CSMD1: variants seen among roughly 807,000 people sequenced by gnomAD.
The protein encoded by CSMD1 is CUB and sushi domain-containing protein 1.
CSMD1 carries 213 observed loss-of-function variants against 417.5 expected under a neutral mutation model. That is an observed-to-expected ratio of 0.51 (90% CI 0.46 to 0.57). CSMD1 has a LOEUF of 0.57. Ranked by LOEUF, CSMD1 falls within the 20% of genes least tolerant of loss-of-function variation. The probability of loss-of-function intolerance (pLI) is 0.00; values close to 1 mark genes in which losing one functional copy is unlikely to be tolerated. For synonymous variants in CSMD1, 2,862 were observed against 1,736.8 expected (o/e 1.65, Z -16.11); for missense variants, 6,923 against 4,529.7 (o/e 1.53, Z -15.17).
chr8:4,697,852 T>C (rs1041965219), intron 1 of CSMD1, among the ~76,000 whole-genome samples: 2 of 152,234 alleles, frequency 1.3e-5, no homozygotes, highest in Admixed American at 1.3e-4. Flanking sequence ...GTAAACTGCT[T>C]GATATTTGTA....
chr8:4,200,937 T>G (rs1799610171), intron 3 of CSMD1, among the ~76,000 whole-genome samples: 1 of 152,328 alleles, frequency 6.6e-6, no homozygotes, highest in East Asian at 1.9e-4. Flanking sequence ...ATGTCTTTTC[T>G]AATCTCCATA....
intron 49 of CSMD1, among the ~76,000 whole-genome samples, chr8:3,060,600 T>C (rs1812531630): frequency 6.6e-6 from 1 of 152,244 alleles, no homozygotes; most frequent in African/African-American, 2.4e-5. Context: ...ACTTGAAATT[T>C]GATTTCAGAG....
chr8:4,933,186 C>CT (rs903650400), intron 1 of CSMD1, among the ~76,000 whole-genome samples: 2 of 151,734 alleles, frequency 1.3e-5, no homozygotes, highest in Admixed American at 1.3e-4. Context: ...TCCTTTCTTC[C>CT]TTGCTCCCTC....
At chr8:4,227,201 C>T (rs1283848698) in intron 3 of CSMD1, among the ~76,000 whole-genome samples, 1 of 152,092 alleles carries the variant, frequency 6.6e-6, no homozygotes, top group Non-Finnish European at 1.5e-5. Flanking sequence ...ACGTTTAAGT[C>T]AAACTGAAAG....
intron 2 of CSMD1, among the ~76,000 whole-genome samples, chr8:4,474,651 T>G (rs533446335): frequency 1.3e-5 from 2 of 152,114 alleles, no homozygotes; most frequent in Non-Finnish European, 2.9e-5. Flanking sequence ...CAGAGTAAAC[T>G]CTTACACAGT....
chr8:3,315,985 CT>C (rs1166275482), intron 23 of CSMD1, among the ~76,000 whole-genome samples: 1 of 152,146 alleles, frequency 6.6e-6, no homozygotes, highest in Non-Finnish European at 1.5e-5. Context: ...TCTGAGACGT[CT>C]CAGTGAAATA....
chr8:4,143,596 T>G (rs191550724), intron 3 of CSMD1, among the ~76,000 whole-genome samples: 3 of 151,176 alleles, frequency 2.0e-5, no homozygotes, highest in East Asian at 1.9e-4. Flanking sequence ...CTTTAACTAG[T>G]TGTGATGCCC....
At position 3,794,044 on chromosome 8, in the gene CSMD1, T is replaced by A. The variant is rs1335564141; in HGVS notation, c.819-40002A>T. On this transcript the variant is annotated intron_variant, in intron 5 of 69. Transcript: ENST00000635120. ...ACAGACGAAAGACTTGCTACTCAAA[T>A]GACGAACCGTGTTCCACCATCATTG... 2.6e-5 allele frequency among the ~76,000 whole-genome samples: 4 copies of A among 152,180 alleles called. No individual in the cohort carries two copies. In the East Asian group the frequency reaches 5.8e-4, roughly 22 times the overall value.
intron 5 of CSMD1, among the ~76,000 whole-genome samples, chr8:3,767,100 C>T (rs1046604772): frequency 3.9e-5 from 6 of 152,214 alleles, no homozygotes; most frequent in Admixed American, 3.3e-4. Context: ...AAACCTCACT[C>T]AAGTACAGTA....
In CSMD1 at chr8:3,468,724, C is replaced by A; in HGVS notation, c.1549G>T (p.Ala517Ser). 6.2e-7 allele frequency: 1 copy of A among 1,601,690 alleles called. No individual in the cohort carries two copies. Among genetic ancestry groups the A allele is most frequent in the Non-Finnish European group, 8.5e-7 (1 of 1,173,740 alleles). ...DDSIGSPGFK[A>S]VYQEIEKGGC... ...AATCTCATCATACCTTGGTAAACAG[C>A]TTTAAACCCAGGTGAGCCAATGCTA... The change falls in exon 12 of 70, where the codon GCT becomes TCT. Residue 517 changes from alanine to serine, a missense_variant. By Grantham distance (99) the Ala-to-Ser change is moderately conservative (BLOSUM62 1). Transcript: ENST00000635120.
chr8:4,500,654 A>T (rs1401375784), intron 2 of CSMD1, among the ~76,000 whole-genome samples: 1 of 152,162 alleles, frequency 6.6e-6, no homozygotes, highest in Non-Finnish European at 1.5e-5. Context: ...GAGAGGTGTT[A>T]GTAAATGTTC....
chr8:3,621,727 A>G (rs145993498), intron 7 of CSMD1, among the ~76,000 whole-genome samples: 3,352 of 151,972 alleles, frequency 0.022, 102 homozygotes, highest in African/African-American at 0.076. Flanking sequence ...CTACAGGTGC[A>G]TGCCACCACT....
At chr8:3,178,948 CTTTT>C (rs11347913) in intron 37 of CSMD1, among the ~76,000 whole-genome samples, 7 of 135,130 alleles carry the variant, frequency 5.2e-5, no homozygotes, top group East Asian at 2.1e-4. Context: ...ATCTATATTT[CTTTT>C]TTTTTTTTTT....
intron 26 of CSMD1, among the ~76,000 whole-genome samples, chr8:3,260,782 C>T (rs1184467622): frequency 2.0e-5 from 3 of 152,018 alleles, no homozygotes; most frequent in Non-Finnish European, 4.4e-5. Context: ...CCATAAAAGC[C>T]AAAATGAATA....
At chr8:4,646,514 G>A (rs1056410630) in intron 1 of CSMD1, among the ~76,000 whole-genome samples, 16 of 152,138 alleles carry the variant, frequency 1.1e-4, no homozygotes, top group Non-Finnish European at 1.5e-5. Flanking sequence ...ACTATAGGAT[G>A]GATTCAGCAT....
chr8:4,214,866 G>T (rs145949844), intron 3 of CSMD1, among the ~76,000 whole-genome samples: 10 of 151,272 alleles, frequency 6.6e-5, no homozygotes, highest in Non-Finnish European at 1.3e-4. Context: ...TTTAGATAGC[G>T]TTTTTTTAAA....
chr8:3,346,470 T>C (rs1209877230), intron 22 of CSMD1, among the ~76,000 whole-genome samples: 1 of 152,250 alleles, frequency 6.6e-6, no homozygotes, highest in Non-Finnish European at 1.5e-5. Context: ...GCTAGTTTCC[T>C]GCCTAAAAAC....
intron 3 of CSMD1, among the ~76,000 whole-genome samples, chr8:4,388,776 T>G (rs1044103983): frequency 3.3e-5 from 5 of 152,244 alleles, no homozygotes; most frequent in Admixed American, 1.3e-4. Context: ...TCTTTCTGTG[T>G]ATTCAGTCCT....
intron 1 of CSMD1, among the ~76,000 whole-genome samples, chr8:4,907,343 C>T (rs7001869): frequency 0.26 from 38,854 of 152,062 alleles, 5,543 homozygotes; most frequent in East Asian, 0.52. Context: ...TCAGACAAAA[C>T]GGCAAAAAGC....
Sources: gnomAD v4.1 joint callset for allele counts (sites outside exome capture counted in the v4.1 genomes callset) on GRCh38, gnomAD v4.1.1 for gene constraint, MANE v1.5 for transcripts, NCBI Gene and HGNC (gene_info 2026-07-23, HGNC 2026-07-21) for gene names.